The following ALOX5AP variants were observed in gnomAD, a reference collection of about 807,000 sequenced individuals.
ALOX5AP encodes the protein arachidonate 5-lipoxygenase-activating protein.
ALOX5AP carries 9 observed loss-of-function variants against 18.5 expected under a neutral mutation model. The observed-to-expected ratio is 0.49, with a 90% CI of 0.29 to 0.85. The LOEUF (loss-of-function observed/expected upper bound fraction) is 0.85, where lower values mean the gene tolerates loss of function less well. ALOX5AP is among the 40% of genes least tolerant of loss of function. The pLI is 0.08. For synonymous variants in ALOX5AP, 81 were observed against 78.6 expected (o/e 1.03, Z -0.16); for missense variants, 172 against 202.5 (o/e 0.85, Z 0.91).
At chr13:30,755,850 T>C (rs527483805) in intron 3 of ALOX5AP, 94 bp from the exon 4 acceptor site, 91 of 1,238,166 alleles carry the variant, frequency 7.3e-5, no homozygotes, top group Non-Finnish European at 1.0e-4. Flanking sequence ...TGTCTTCTGC[T>C]AGATTTTGTG....
At chr13:30,717,279 G>A (rs1021511457) in intron 1 of ALOX5AP, among the ~76,000 whole-genome samples, 3 of 152,218 alleles carry the variant, frequency 2.0e-5, no homozygotes, top group African/African-American at 7.2e-5. Context: ...CTCCCAAATT[G>A]AGTTTTTCCT....
intron 1 of ALOX5AP, among the ~76,000 whole-genome samples, chr13:30,715,570 G>T (rs569557816): frequency 6.6e-6 from 1 of 152,298 alleles, no homozygotes; most frequent in African/African-American, 2.4e-5. Flanking sequence ...GGATGGGGAG[G>T]CAGGGACATC....
chr13:30,726,523 C>T (rs1404566518), intron 1 of ALOX5AP, among the ~76,000 whole-genome samples: 1 of 152,016 alleles, frequency 6.6e-6, no homozygotes, highest in Non-Finnish European at 1.5e-5. Flanking sequence ...CCTTGGAATT[C>T]CTATTCATGA....
intron 1 of ALOX5AP, among the ~76,000 whole-genome samples, chr13:30,730,397 C>T (rs566399901): frequency 6.6e-6 from 1 of 152,330 alleles, no homozygotes; most frequent in African/African-American, 2.4e-5. Flanking sequence ...CAGACCATGC[C>T]TGGTCTCTGT....
In ALOX5AP at chr13:30,744,104, G is replaced by T. The variant is rs1175717813; in HGVS notation, c.115G>T (p.Gly39Trp). 2 of 1,614,058 alleles carry T rather than the reference G, an allele frequency of 1.2e-6. No homozygotes were observed. Among genetic ancestry groups the T allele is most frequent in the African/African-American group, 1.3e-5 (1 of 74,930 alleles). Residue 39 changes from glycine (G) to tryptophan (W), a missense_variant, in exon 2 of 5, where the codon GGG becomes TGG. By Grantham distance (184) the Gly-to-Trp change is radical (BLOSUM62 -2). Coordinates refer to ENST00000380490, the MANE Select transcript of ALOX5AP (RefSeq NM_001629.4). ...GGAGCACGAAAGCAGGACCCAGAAT[G>T]GGAGGAGCTTCCAGAGGACCGGAAC... ...KVEHESRTQNGRSFQRTGTLA... is the reference protein window; with the variant it reads ...KVEHESRTQNWRSFQRTGTLA...
At chr13:30,746,798 T>C (rs141371152) in intron 2 of ALOX5AP, among the ~76,000 whole-genome samples, 3 of 152,362 alleles carry the variant, frequency 2.0e-5, no homozygotes, top group African/African-American at 7.2e-5. Flanking sequence ...GTAGTATGTG[T>C]ATATAGTTTA....
chr13:30,732,373 T>G (rs531276434), upstream of ALOX5AP, among the ~76,000 whole-genome samples: 10 of 152,216 alleles, frequency 6.6e-5, no homozygotes, highest in Non-Finnish European at 1.3e-4. Context: ...GCCGGCAGAT[T>G]GGGATGAGTT....
intron 2 of ALOX5AP, among the ~76,000 whole-genome samples, chr13:30,747,098 T>C (rs1273743478): frequency 6.6e-6 from 1 of 152,206 alleles, no homozygotes; most frequent in Non-Finnish European, 1.5e-5. Context: ...CCATCTCCCA[T>C]GAGGGCAGAG....
intron 4 of ALOX5AP, among the ~76,000 whole-genome samples, chr13:30,761,828 C>T (rs566004684): frequency 6.6e-6 from 1 of 152,182 alleles, no homozygotes. Flanking sequence ...GATGAGGATC[C>T]ACCCATATGA....
chr13:30,733,135 G>A (rs1951694773), upstream of ALOX5AP, among the ~76,000 whole-genome samples: 1 of 148,056 alleles, frequency 6.8e-6, no homozygotes, highest in Non-Finnish European at 1.5e-5. Context: ...CTCCAGCCTG[G>A]GCAACAGAGC....
At chr13:30,752,477 T>C (rs1428295746) in intron 3 of ALOX5AP, among the ~76,000 whole-genome samples, 2 of 152,224 alleles carry the variant, frequency 1.3e-5, no homozygotes, top group Admixed American at 6.5e-5. Flanking sequence ...CGCTGTCACT[T>C]GGCTCTTCTG....
chr13:30,722,225 G>A (rs1191616463), intron 1 of ALOX5AP, among the ~76,000 whole-genome samples: 1 of 152,182 alleles, frequency 6.6e-6, no homozygotes, highest in Non-Finnish European at 1.5e-5. Flanking sequence ...GCAGATGGCA[G>A]ACACTTCAAA....
At chr13:30,718,731 G>A (rs1040451274) in intron 1 of ALOX5AP, among the ~76,000 whole-genome samples, 8 of 152,150 alleles carry the variant, frequency 5.3e-5, no homozygotes, top group Admixed American at 3.9e-4. Context: ...ATCAGTAGCC[G>A]GGATCAGGGT....
intron 4 of ALOX5AP, among the ~76,000 whole-genome samples, chr13:30,757,104 G>A (rs1212430336): frequency 6.6e-6 from 1 of 152,150 alleles, no homozygotes; most frequent in East Asian, 1.9e-4. Flanking sequence ...TGCCCCAGGT[G>A]CTGACCCCAG....
At chr13:30,758,614 T>C (rs1326390856) in intron 4 of ALOX5AP, among the ~76,000 whole-genome samples, 5 of 152,196 alleles carry the variant, frequency 3.3e-5, no homozygotes, top group Non-Finnish European at 7.4e-5. Context: ...TGCAGCTCCC[T>C]TTTTAATGCC....
At chr13:30,750,945 G>T (rs1308801574) in intron 2 of ALOX5AP, among the ~76,000 whole-genome samples, 13 of 152,192 alleles carry the variant, frequency 8.5e-5, no homozygotes, top group Non-Finnish European at 1.5e-5. Context: ...AGCTGGAGAA[G>T]GCAAGGAAAT....
chr13:30,749,824 A>G (rs1021367396), intron 2 of ALOX5AP, among the ~76,000 whole-genome samples: 1 of 152,162 alleles, frequency 6.6e-6, no homozygotes, highest in African/African-American at 2.4e-5. Flanking sequence ...TGACCATCAG[A>G]GGACCACGAA....
chr13:30,751,419 TCA>T (rs1167307764), intron 2 of ALOX5AP, among the ~76,000 whole-genome samples: 2 of 152,168 alleles, frequency 1.3e-5, no homozygotes, highest in Non-Finnish European at 2.9e-5. Context: ...TCATGTGAAC[TCA>T]CAGGAATATG....
intron 1 of ALOX5AP, among the ~76,000 whole-genome samples, chr13:30,740,985 G>C (rs1055778566): frequency 6.6e-6 from 1 of 151,932 alleles, no homozygotes; most frequent in Non-Finnish European, 1.5e-5. Context: ...GTCATCCCTC[G>C]GTATCCCTGG....
Sources: allele counts gnomAD v4.1 joint callset (sites outside exome capture counted in the v4.1 genomes callset), GRCh38; gene constraint gnomAD v4.1.1; transcripts MANE v1.5; gene names NCBI Gene and HGNC (gene_info 2026-07-23, HGNC 2026-07-21).